FLNC: variants seen among roughly 807,000 people sequenced by gnomAD.
FLNC encodes the protein filamin-C.
A neutral mutation model predicts 254.3 loss-of-function variants in FLNC; 91 were observed. The observed-to-expected ratio is 0.36, with a 90% CI of 0.30 to 0.43. The LOEUF is 0.43. Among genes scored for constraint, FLNC ranks in the 20% least tolerant of loss-of-function variants. The probability of loss-of-function intolerance (pLI) is 1.00; values close to 1 mark genes in which losing one functional copy is unlikely to be tolerated. For missense variants in FLNC, 2,853 were observed against 3,802.6 expected (o/e 0.75, Z 6.57); for synonymous variants, 1,430 against 1,577.2 (o/e 0.91, Z 2.21).
rs954461668 is a variant in FLNC at position 128,838,820 on chromosome 7, G to T, written c.1411+17G>T. 6.2e-7 allele frequency: 1 copy of T among 1,609,080 alleles called. No homozygotes were observed. The highest frequency in any genetic ancestry group is 8.5e-7 in the Non-Finnish European group (1 of 1,177,082). On this transcript the variant is annotated intron_variant, in intron 8 of 47. Coordinates refer to ENST00000325888, the MANE Select transcript of FLNC (RefSeq NM_001458.5). Reference sequence around the variant, plus strand: ...TGTCGGAAGGTAAGGGCCCTTCACTGCTCCCCACGGTAGCCCTTACCAAAG... The same window carrying T: ...TGTCGGAAGGTAAGGGCCCTTCACTTCTCCCCACGGTAGCCCTTACCAAAG...
In FLNC at chr7:128,846,923, T is replaced by G; in HGVS notation, c.4288+18T>G. ...CATCCCAGGTGTGCAGAGAGAGTGG[T>G]CGGGGTCTCAGGGAAGACAAGGGAG... On this transcript the variant is annotated intron_variant, in intron 24 of 47. Transcript: ENST00000325888. 1.9e-6 allele frequency: 3 copies of G among 1,614,028 alleles called. No individual in the cohort carries two copies. The highest frequency in any genetic ancestry group is 1.7e-6 in the Non-Finnish European group (2 of 1,179,968).
chr7:128,847,658 A>C (rs1808616464), intron 24 of FLNC, 39 bp from the exon 25 acceptor site: 1 of 1,613,030 alleles, frequency 6.2e-7, no homozygotes, highest in Non-Finnish European at 8.5e-7. Context: ...GGGACCCATC[A>C]GGGCTGGTGG....
Position 128,858,406 on chromosome 7 carries a change from G to T in FLNC, c.8061G>T (p.Met2687Ile), listed in dbSNP as rs772940974. 1 of 1,604,174 alleles carries T rather than the reference G, an allele frequency of 6.2e-7. No individual in the cohort carries two copies. The highest frequency in any genetic ancestry group is 1.7e-5 in the Admixed American group (1 of 59,944). ...TPCEEVYVKH[M>I]GNRVYNVTYT... ...GTGAGGAGGTGTACGTGAAGCACATGGGGAACCGGGTGTACAATGTCACCT... is the reference window on the plus strand; with the variant it reads ...GTGAGGAGGTGTACGTGAAGCACATTGGGAACCGGGTGTACAATGTCACCT... Residue 2687 changes from methionine (M) to isoleucine (I), a missense_variant, in exon 48 of 48, where the codon ATG (methionine) becomes ATT (isoleucine). This residue lies in a region of FLNC where 197 missense variants were observed against 351.5 expected (regional missense o/e 0.56). Transcript: ENST00000325888. This position sits in a 1 kb window ranked among gnomAD's most constrained non-coding sequence, Gnocchi z 6.7.
chr7:128,844,539 T>A, intron 20 of FLNC, 119 bp from the exon 21 acceptor site: 1 of 1,043,652 alleles, frequency 9.6e-7, no homozygotes. Context: ...CCTGGGATTG[T>A]TATAAGCACT....
chr7:128,849,328 C>T lies in FLNC; in HGVS notation c.4952-3C>T. ...TCCCTGAGCAGGATCTCCCGCATGG[C>T]AGGTGCCTGCCTGGGCCCTCGAATC... On this transcript the variant is annotated splice_polypyrimidine_tract_variant and splice_region_variant and intron_variant, in intron 29 of 47. Transcript: ENST00000325888. The T allele has an allele frequency of 2.5e-6, 4 of 1,614,112 alleles. No homozygotes were observed. The highest frequency in any genetic ancestry group is 3.4e-6 in the Non-Finnish European group (4 of 1,180,034).
intron 1 of FLNC, among the ~76,000 whole-genome samples, chr7:128,831,331 C>T (rs1461900601): frequency 6.6e-6 from 1 of 152,224 alleles, no homozygotes; most frequent in Non-Finnish European, 1.5e-5. Context: ...AGCCCACACT[C>T]GGGAGGACAG....
rs780936354 is a variant in FLNC, at chr7:128,846,707, T to C, written c.4128-38T>C. On this transcript the variant is annotated intron_variant, in intron 23 of 47. Coordinates refer to ENST00000325888, the MANE Select transcript of FLNC (RefSeq NM_001458.5). Reference sequence around the variant, plus strand: ...CAGCTACTCCCTCATCCTCACTCACTGGTCTTATGAAGCTGATGGGGGGAT... The same window carrying C: ...CAGCTACTCCCTCATCCTCACTCACCGGTCTTATGAAGCTGATGGGGGGAT... 2.4e-5 allele frequency: 39 copies of C among 1,603,908 alleles called. No individual in the cohort carries two copies. The Admixed American group carries it at 6.2e-4, about 25-fold the overall frequency.
rs1478307942 is a variant in FLNC at position 128,843,187 on chromosome 7, T to C, written c.2551-42T>C. ...CAGCATCTAGCTGAGAGCAGGGGTGTGTTCCCCTCGAGAGCCCTGACTGAG... is the reference window on the plus strand; with the variant it reads ...CAGCATCTAGCTGAGAGCAGGGGTGCGTTCCCCTCGAGAGCCCTGACTGAG... On this transcript the variant is annotated intron_variant, in intron 16 of 47. Transcript: ENST00000325888. 3 of 1,524,106 alleles carry C rather than the reference T, an allele frequency of 2.0e-6. No homozygotes were observed. The Admixed American group carries it at 5.8e-5, about 29-fold the overall frequency. The allele number at this position is 1,524,106 out of a possible 1,614,324, so 94.4% of individuals were successfully genotyped here. A position where few individuals can be genotyped will look rare whatever the true frequency, so the allele number is the denominator to read the frequency against.
chr7:128,846,994 G>A (rs917802972), intron 24 of FLNC, 89 bp downstream of exon 24: 57 of 1,528,684 alleles, frequency 3.7e-5, no homozygotes, highest in African/African-American at 4.1e-5. Context: ...AAGGAAGTTG[G>A]GTAAGAATGT....
chr7:128,833,183 T>TC (rs1405293512), intron 1 of FLNC, among the ~76,000 whole-genome samples: 2 of 152,154 alleles, frequency 1.3e-5, no homozygotes, highest in East Asian at 3.9e-4. Flanking sequence ...CAAAGAGGCC[T>TC]ATGAGGCAGC....
rs1421381088 is a variant in FLNC, at chr7:128,857,831, G to T, written c.7781-177G>T. Among the ~76,000 whole-genome samples, 1 of 152,174 alleles carries T rather than the reference G, an allele frequency of 6.6e-6. No homozygotes were observed. The highest frequency in any genetic ancestry group is 2.4e-5 in the African/African-American group (1 of 41,410). On this transcript the variant is annotated intron_variant, in intron 46 of 47. Coordinates refer to ENST00000325888, the MANE Select transcript of FLNC (RefSeq NM_001458.5). The surrounding 1 kb of genome is among the most constrained non-coding windows in gnomAD (Gnocchi z 4.5). ...GCACCAGTTGGAGCTGGCAGCTCAG[G>T]GCCCTGGCTGGGAATGAGGCTGTGC...
rs766023596 is a variant in FLNC, at chr7:128,843,438, C to T, written c.2672C>T (p.Thr891Met). ...GAAGTCGGGAAGCCCACCCACTTCA[C>T]GGTGCTGACCAAGGGAGCCGGCAAG... ...GVEVGKPTHF[T>M]VLTKGAGKAK... The change falls in exon 18 of 48, where the codon ACG (threonine) becomes ATG (methionine). Residue 891 changes from threonine (T) to methionine (M), a missense_variant. Thr to Met is a moderately conservative substitution (Grantham distance 81). Around this residue, in one of 10 missense-constraint regions of FLNC, gnomAD observed 1,573 missense variants for 1,883.5 expected, o/e 0.84. Transcript: ENST00000325888. The T allele has an allele frequency of 3.5e-5, 56 of 1,613,980 alleles. No individual in the cohort carries two copies. Among genetic ancestry groups the T allele is most frequent in the South Asian group, 1.1e-4 (10 of 91,092 alleles).
chr7:128,858,599 A>G lies in FLNC; in HGVS notation c.*76A>G. 2.9e-6 allele frequency: 3 copies of G among 1,052,338 alleles called. No homozygotes were observed. Among genetic ancestry groups the G allele is most frequent in the Non-Finnish European group, 2.9e-6 (2 of 686,578 alleles). 65.2% of individuals were successfully genotyped at this position (1,052,338 alleles called of 1,614,324 possible). A position where few individuals can be genotyped will look rare whatever the true frequency, so the allele number is the denominator to read the frequency against. On this transcript the variant is annotated 3_prime_UTR_variant, in exon 48 of 48. Coordinates refer to ENST00000325888, the MANE Select transcript of FLNC (RefSeq NM_001458.5). This position sits in a 1 kb window ranked among gnomAD's most constrained non-coding sequence, Gnocchi z 6.7. ...ATTACACACACACACACACACACACAAATGTGCCACACCCAGACACGCACA... is the reference window on the plus strand; with the variant it reads ...ATTACACACACACACACACACACACGAATGTGCCACACCCAGACACGCACA...
At position 128,842,082 on chromosome 7, in the gene FLNC, G is replaced by T; in HGVS notation, c.2122-149G>T. ...TGGGCTCTGGCCGCCAGAGCACGTG[G>T]CCCTGGGCTCTGGTGGCCTCAGTGG... On this transcript the variant is annotated intron_variant, in intron 13 of 47. Transcript: ENST00000325888. This position sits in a 1 kb window ranked among gnomAD's most constrained non-coding sequence, Gnocchi z 5.4. 2.5e-6 allele frequency: 2 copies of T among 799,310 alleles called. No individual in the cohort carries two copies. Among genetic ancestry groups the T allele is most frequent in the Non-Finnish European group, 4.1e-6 (2 of 484,802 alleles). 49.5% of individuals were successfully genotyped at this position (799,310 alleles called of 1,614,324 possible). A position where few individuals can be genotyped will look rare whatever the true frequency, so the allele number is the denominator to read the frequency against.
chr7:128,843,968 G>A (rs757624464), intron 19 of FLNC, 36 bp from the exon 20 acceptor site: 78 of 1,613,970 alleles, frequency 4.8e-5, no homozygotes, highest in East Asian at 1.1e-4. Context: ...AGGGTGGACC[G>A]GAGTCTCCTC....
At chr7:128,832,933 G>T (rs1807951489) in intron 1 of FLNC, among the ~76,000 whole-genome samples, 1 of 152,202 alleles carries the variant, frequency 6.6e-6, no homozygotes, top group Non-Finnish European at 1.5e-5. Flanking sequence ...GTGGAAAGGG[G>T]CTATCCATGG....
chr7:128,853,173 G>A, intron 37 of FLNC, 142 bp downstream of exon 37: 1 of 888,086 alleles, frequency 1.1e-6, no homozygotes, highest in South Asian at 1.4e-5. Context: ...GCATTCTGGG[G>A]CCCCTTGCGG....
chr7:128,851,259 C>T lies in FLNC; in HGVS notation c.5567C>T (p.Ala1856Val). Residue 1856 changes from alanine (A) to valine (V), a missense_variant, in exon 34 of 48, where the codon GCC becomes GTC. Physicochemically the swap from Ala to Val is moderately conservative, Grantham distance 64. Coordinates refer to ENST00000325888, the MANE Select transcript of FLNC (RefSeq NM_001458.5). ...AGCCCCTTACAGTTCTATGTGGATGCCATCAACAGCCGCCATGTCAGTGCC... is the reference window on the plus strand; with the variant it reads ...AGCCCCTTACAGTTCTATGTGGATGTCATCAACAGCCGCCATGTCAGTGCC... ...PGSPLQFYVDAINSRHVSAYG... is the reference protein window; with the variant it reads ...PGSPLQFYVDVINSRHVSAYG... The T allele has an allele frequency of 6.2e-7, 1 of 1,614,052 alleles. No individual in the cohort carries two copies. The highest frequency in any genetic ancestry group is 8.5e-7 in the Non-Finnish European group (1 of 1,180,012).
rs1323705274 is a variant in FLNC at position 128,840,026 on chromosome 7, G to A, written c.1415G>A (p.Cys472Tyr). 3.7e-6 allele frequency: 6 copies of A among 1,613,240 alleles called. No individual in the cohort carries two copies. Among genetic ancestry groups the A allele is most frequent in the Admixed American group, 3.3e-5 (2 of 60,014 alleles). ...CTCCTTTCTCTTCCTCCCCTAGCCT[G>A]TAACCCCAACGCCTGCCGCGCCTCT... ...SPFPVHVSEA[C>Y]NPNACRASGR... The change falls in exon 9 of 48, where the codon TGT (cysteine) becomes TAT (tyrosine). Residue 472 changes from cysteine to tyrosine, a missense_variant. Coordinates refer to ENST00000325888, the MANE Select transcript of FLNC (RefSeq NM_001458.5).
Sources: gnomAD v4.1 joint callset for allele counts (sites outside exome capture counted in the v4.1 genomes callset) on GRCh38, gnomAD v4.1.1 for gene constraint, gnomAD v4.1.1 regional missense constraint, Gnocchi (gnomAD v3.1) non-coding constraint, MANE v1.5 for transcripts, NCBI Gene and HGNC (gene_info 2026-07-23, HGNC 2026-07-21) for gene names.